The following REEP2 variants were observed in gnomAD, a reference collection of about 807,000 sequenced individuals.
REEP2 encodes the protein receptor accessory protein 2, also known as receptor expression-enhancing protein 2.
Under a neutral mutation model 32.1 loss-of-function variants are expected in REEP2, and 9 were observed. The observed-to-expected ratio is 0.28, with a 90% CI of 0.17 to 0.49. The LOEUF (loss-of-function observed/expected upper bound fraction) is 0.49. REEP2 is among the 20% of genes least tolerant of loss of function. REEP2 has a pLI of 0.99. For missense variants in REEP2, 236 were observed against 338.0 expected (o/e 0.70, Z 2.37); for synonymous variants, 128 against 139.1 (o/e 0.92, Z 0.56).
Position 138,445,765 on chromosome 5 carries a change from C to G in REEP2, c.*14C>G, listed in dbSNP as rs746876322. ...GACTCAGCTTGAGCCCCTCCACCCC[C>G]GCAGGCTGCAGAGCAAGGATGAAGC... On this transcript the variant is annotated 3_prime_UTR_variant, in exon 8 of 8. Transcript: ENST00000378339. 1 of 1,611,572 alleles carries G rather than the reference C, an allele frequency of 6.2e-7. No individual in the cohort carries two copies. Among genetic ancestry groups the G allele is most frequent in the African/African-American group, 1.3e-5 (1 of 74,812 alleles).
In REEP2 at chr5:138,444,679, C is replaced by A. The variant is rs2240331; in HGVS notation, c.304-75C>A. 864,401 of 1,559,728 alleles carry A rather than the reference C, an allele frequency of 0.55. 241,937 individuals carry two copies. Among genetic ancestry groups the A allele is most frequent in the East Asian group, 0.78 (34,335 of 43,900 alleles). On this transcript the variant is annotated intron_variant, in intron 4 of 7. Coordinates refer to ENST00000378339, the MANE Select transcript of REEP2 (RefSeq NM_001271803.2). ...GGCTGCCGTGGCCTCCCGGAGCAGG[C>A]AGGGGCCTCTGTCCAGGGGTGAACA...
intron 1 of REEP2, 95 bp from the exon 2 acceptor site, chr5:138,440,921 T>C: frequency 6.3e-7 from 1 of 1,593,380 alleles, no homozygotes; most frequent in South Asian, 1.1e-5. Flanking sequence ...GTTCTGTCTC[T>C]CTTCCCATTA....
chr5:138,439,095 AGCGGCTGCT>A lies in REEP2; in HGVS notation c.-111_-103del. ...CCGCTGCCCCCGCGGCGGCTGCTGCAGCGGCTGCTGCTGCTACTGCGGCTCCTGCTGCCG... is the reference window on the plus strand; with the variant it reads ...CCGCTGCCCCCGCGGCGGCTGCTGCAGCTGCTACTGCGGCTCCTGCTGCCG... On this transcript the variant is annotated 5_prime_UTR_variant, in exon 1 of 8. Transcript: ENST00000378339. 1 of 432,120 alleles carries A rather than the reference AGCGGCTGCT, an allele frequency of 2.3e-6. No homozygotes were observed. The highest frequency in any genetic ancestry group is 3.4e-6 in the Non-Finnish European group (1 of 295,198). The allele number at this position is 432,120 out of a possible 1,614,324, so 26.8% of individuals were successfully genotyped here.
intron 4 of REEP2, 74 bp downstream of exon 4, chr5:138,444,609 G>C: frequency 6.3e-7 from 1 of 1,590,550 alleles, no homozygotes; most frequent in South Asian, 1.1e-5. Context: ...GCCTCATACA[G>C]ACTGGCCCTC....
chr5:138,445,296 G>A lies in REEP2; in HGVS notation c.486G>A (p.Glu162=), dbSNP rs73790309. 239 of 1,613,614 alleles carry A rather than the reference G, an allele frequency of 1.5e-4. No homozygotes were observed. In the African/African-American group the frequency reaches 2.9e-3, roughly 20 times the overall value. The change falls in exon 6 of 8, where the codon GAG becomes GAA. Residue 162 remains glutamate, a synonymous_variant. Coordinates refer to ENST00000378339, the MANE Select transcript of REEP2 (RefSeq NM_001271803.2). ...AGGACCTGACCCTGATCCGGGACGA[G>A]GACGCACTGCCCCTGCAGAGGCCTG... is the stretch of plus-strand genomic sequence containing the variant. ...SMQDLTLIRD[E]DALPLQRPDG... is the part of the protein sequence containing the mutation.
At position 138,446,535 on chromosome 5, in the gene REEP2, G is replaced by A. The variant is rs1294996185; in HGVS notation, c.*784G>A. 1 of 152,578 alleles carries A rather than the reference G, an allele frequency of 6.6e-6. No individual in the cohort carries two copies. The highest frequency in any genetic ancestry group is 1.5e-5 in the Non-Finnish European group (1 of 68,430). 9.5% of individuals were successfully genotyped at this position (152,578 alleles called of 1,614,324 possible). Reference sequence around the variant, plus strand: ...CCTCCATCCTAGGCTCTGAGCCTCAGAGGACCCAGCCCATGAGAGAACGGG... The same window carrying A: ...CCTCCATCCTAGGCTCTGAGCCTCAAAGGACCCAGCCCATGAGAGAACGGG... On this transcript the variant is annotated 3_prime_UTR_variant, in exon 8 of 8. Transcript: ENST00000378339.
rs139556429 is a variant in REEP2, at chr5:138,445,508, G to C, written c.606G>C (p.Pro202=). The change falls in exon 7 of 8, where the codon CCG becomes CCC. Residue 202 remains proline, a synonymous_variant. Transcript: ENST00000378339. ...TGAGTCTAAGGTCCAGCACAAACCC[G>C]GCAGATTCCCGGACAGAGGCTTCTG... ...PALSLRSSTN[P]ADSRTEASED... The C allele has an allele frequency of 1.7e-5, 28 of 1,614,016 alleles. No homozygotes were observed. In the African/African-American group the frequency reaches 3.5e-4, roughly 20 times the overall value.
intron 1 of REEP2, among the ~76,000 whole-genome samples, chr5:138,440,597 G>T (rs906058139): frequency 2.6e-5 from 4 of 152,160 alleles, no homozygotes; most frequent in African/African-American, 4.8e-5. Flanking sequence ...GTGGTGTCAG[G>T]TTCCCTCGCA....
intron 1 of REEP2, among the ~76,000 whole-genome samples, chr5:138,440,509 C>T (rs1763803912): frequency 6.6e-6 from 1 of 152,206 alleles, no homozygotes; most frequent in East Asian, 1.9e-4. Flanking sequence ...TCAGGGCCTC[C>T]TGCCCCTGTG....
In REEP2 at chr5:138,445,518, C is replaced by T. The variant is rs368882308; in HGVS notation, c.616C>T (p.Arg206Trp). The change falls in exon 7 of 8, where the codon CGG (arginine) becomes TGG (tryptophan). Residue 206 changes from arginine to tryptophan, a missense_variant. Transcript: ENST00000378339. ...GTCCAGCACAAACCCGGCAGATTCC[C>T]GGACAGAGGCTTCTGAGGATGACAT... ...LRSSTNPADS[R>W]TEASEDDMGD... is the part of the protein sequence containing the mutation. The T allele has an allele frequency of 1.4e-5, 23 of 1,614,052 alleles. No individual in the cohort carries two copies. The highest frequency in any genetic ancestry group is 5.0e-5 in the Admixed American group (3 of 59,998).
chr5:138,444,982 G>T, intron 5 of REEP2, 115 bp downstream of exon 5: 1 of 821,374 alleles, frequency 1.2e-6, no homozygotes. Flanking sequence ...GGCTCATGCA[G>T]CTGGAGGCTC....
intron 4 of REEP2, 28 bp downstream of exon 4, chr5:138,444,563 C>T (rs1185975243): frequency 1.9e-6 from 3 of 1,612,226 alleles, no homozygotes; most frequent in African/African-American, 2.7e-5. Flanking sequence ...GCTCACCTCC[C>T]AGCCTGCCCC....
chr5:138,445,279 AC>A lies in REEP2; in HGVS notation c.472del (p.Leu158Ter). On this transcript the variant is annotated frameshift_variant, in exon 6 of 8. Transcript: ENST00000378339. LOFTEE classifies it high-confidence loss of function. The stretch of plus-strand genomic sequence containing the variant: ...CCGCAGCTTCAGCATGCAGGACCTG[AC>A]CCTGATCCGGGACGAGGACGCACTG... The part of the protein sequence containing the change: ...KLRSFSMQDL[T>X]LIRDEDALPL... 2 of 1,613,438 alleles carry A rather than the reference AC, an allele frequency of 1.2e-6. No homozygotes were observed. Among genetic ancestry groups the A allele is most frequent in the Non-Finnish European group, 1.7e-6 (2 of 1,179,910 alleles).
At chr5:138,442,407 G>A (rs933661334) in intron 3 of REEP2, among the ~76,000 whole-genome samples, 1 of 152,172 alleles carries the variant, frequency 6.6e-6, no homozygotes, top group African/African-American at 2.4e-5. Context: ...GAGATGGAGA[G>A]ATGGGTTAAA....
chr5:138,442,495 G>A (rs948985936), intron 3 of REEP2, among the ~76,000 whole-genome samples: 5 of 151,904 alleles, frequency 3.3e-5, no homozygotes, highest in East Asian at 1.9e-4. Context: ...GGCAGATCAC[G>A]AGGTCAGGAG....
chr5:138,443,870 TTGA>T (rs1202396965), intron 3 of REEP2: 3 of 152,480 alleles, frequency 2.0e-5, no homozygotes, highest in Admixed American at 2.0e-4. Context: ...AGAGAGAGCT[TTGA>T]TGAAGACTTT....
chr5:138,445,120 C>A, intron 5 of REEP2, 108 bp from the exon 6 acceptor site: 1 of 1,242,264 alleles, frequency 8.0e-7, no homozygotes, highest in Non-Finnish European at 1.1e-6. Context: ...TGGGTGAGGA[C>A]AGTGTGGGGA....
intron 1 of REEP2, among the ~76,000 whole-genome samples, chr5:138,440,681 C>G (rs979762226): frequency 1.7e-4 from 26 of 152,150 alleles, no homozygotes; most frequent in African/African-American, 6.0e-4. Flanking sequence ...AAGGAAGACA[C>G]CCTGTGGCAG....
chr5:138,439,924 G>A (rs72803898), intron 1 of REEP2: 16,859 of 372,736 alleles, frequency 0.045, 621 homozygotes, highest in South Asian at 0.11. Flanking sequence ...CAGCCACACT[G>A]TGGAGCTGTG....
Sources: gnomAD v4.1 joint callset for allele counts (sites outside exome capture counted in the v4.1 genomes callset) on GRCh38, gnomAD v4.1.1 for gene constraint, MANE v1.5 for transcripts, NCBI Gene and HGNC (gene_info 2026-07-23, HGNC 2026-07-21) for gene names.